TMEM114: variants seen among roughly 807,000 people sequenced by gnomAD.
The protein encoded by TMEM114 is claudin-26.
Under a neutral mutation model 6.2 loss-of-function variants are expected in TMEM114, and 6 were observed. The observed-to-expected ratio is 0.97, with a 90% CI of 0.53 to 1.91. The LOEUF (loss-of-function observed/expected upper bound fraction) is 1.91, where lower values mean the gene tolerates loss of function less well. Ranked by LOEUF, TMEM114 falls within the 40% of genes most tolerant of loss-of-function variation. The probability of loss-of-function intolerance (pLI) is 0.01; values close to 1 mark genes in which losing one functional copy is unlikely to be tolerated. For synonymous variants in TMEM114, 104 were observed against 73.0 expected (o/e 1.42, Z -2.16); for missense variants, 218 against 158.3 (o/e 1.38, Z -2.02).
At chr16:8,587,558 G>C (rs1902354828) in intron 2 of TMEM114, among the ~76,000 whole-genome samples, 1 of 152,242 alleles carries the variant, frequency 6.6e-6, no homozygotes, top group South Asian at 2.1e-4. Flanking sequence ...AACTTAGCAT[G>C]TTCCAAGAAC....
chr16:8,563,034 GAGTGAATGAGTAAATTGAGTGAATGAGTA>G (rs1357255485), intron 2 of TMEM114, among the ~76,000 whole-genome samples: 5 of 146,644 alleles, frequency 3.4e-5, no homozygotes, highest in South Asian at 2.2e-4. Context: ...GGGAATGAGT[GAGTGAATGAGTAAATTGAGTGAATGAGTA>G]AGTGAATGAG....
intron 2 of TMEM114, among the ~76,000 whole-genome samples, chr16:8,573,025 T>C (rs2141686286): frequency 6.6e-6 from 1 of 152,340 alleles, no homozygotes; most frequent in South Asian, 2.1e-4. Context: ...TACAAGAACA[T>C]ATTTGTCACC....
chr16:8,578,315 G>A (rs1281419607), intron 2 of TMEM114, among the ~76,000 whole-genome samples: 1 of 152,020 alleles, frequency 6.6e-6, no homozygotes, highest in Non-Finnish European at 1.5e-5. Flanking sequence ...ATGGTTCTAG[G>A]GGAGAATCCT....
intron 2 of TMEM114, among the ~76,000 whole-genome samples, chr16:8,586,369 A>T (rs1469812987): frequency 2.0e-5 from 3 of 152,000 alleles, no homozygotes; most frequent in African/African-American, 7.2e-5. Context: ...TCCACATCTC[A>T]TTTTGACGGA....
At chr16:8,547,301 G>C (rs78282476) in intron 2 of TMEM114, among the ~76,000 whole-genome samples, 11,611 of 152,174 alleles carry the variant, frequency 0.076, 542 homozygotes, top group Middle Eastern at 0.18. Flanking sequence ...AAGAACTCTA[G>C]ACCAGATTTT....
At position 8,578,842 on chromosome 16, in the gene TMEM114, G is replaced by A. The variant is rs142246084; in HGVS notation, c.302-6618C>T. On this transcript the variant is annotated intron_variant, in intron 2 of 3. Coordinates refer to ENST00000620492, the MANE Select transcript of TMEM114 (RefSeq NM_001146336.2). Reference sequence around the variant, plus strand: ...AAAAACACAAAAATTAGCTGGGCTTGGTGGCACAGGCCTCTAATCCCTGCT... The same window carrying A: ...AAAAACACAAAAATTAGCTGGGCTTAGTGGCACAGGCCTCTAATCCCTGCT... 4.5e-3 allele frequency among the ~76,000 whole-genome samples: 692 copies of A among 152,238 alleles called. 7 individuals carry two copies. Among genetic ancestry groups the A allele is most frequent in the African/African-American group, 0.016 (661 of 41,538 alleles).
At chr16:8,579,619 C>T (rs1473852947) in intron 2 of TMEM114, among the ~76,000 whole-genome samples, 2 of 152,152 alleles carry the variant, frequency 1.3e-5, no homozygotes, top group African/African-American at 4.8e-5. Flanking sequence ...ACCACATCAT[C>T]GCTCAAAAGC....
chr16:8,568,304 C>T (rs146107453), downstream of TMEM114, among the ~76,000 whole-genome samples: 155 of 152,240 alleles, frequency 1.0e-3, 1 homozygote, highest in African/African-American at 3.6e-3. Flanking sequence ...GTGTACTGGC[C>T]TTCCTTTGAG....
chr16:8,551,584 C>T (rs745484804), intron 2 of TMEM114, among the ~76,000 whole-genome samples: 14 of 152,292 alleles, frequency 9.2e-5, no homozygotes, highest in Non-Finnish European at 1.9e-4. Flanking sequence ...GACAACATTC[C>T]CAGTATCCTC....
intron 2 of TMEM114, among the ~76,000 whole-genome samples, chr16:8,548,932 C>T (rs928210990): frequency 1.3e-5 from 2 of 152,030 alleles, no homozygotes; most frequent in Non-Finnish European, 2.9e-5. Flanking sequence ...CCTGTAATCC[C>T]AGCACTTTGG....
downstream of TMEM114, among the ~76,000 whole-genome samples, chr16:8,534,585 G>A (rs1900302384): frequency 1.3e-5 from 2 of 152,172 alleles, no homozygotes; most frequent in African/African-American, 2.4e-5. Flanking sequence ...GTAATGGGGT[G>A]GTACATCAGA....
intron 2 of TMEM114, among the ~76,000 whole-genome samples, chr16:8,542,186 C>G (rs1171759080): frequency 6.6e-6 from 1 of 152,054 alleles, no homozygotes; most frequent in Non-Finnish European, 1.5e-5. Context: ...ACCAGGTACC[C>G]CTCTACTTCC....
chr16:8,547,893 C>T (rs1043575069), intron 2 of TMEM114, among the ~76,000 whole-genome samples: 1 of 152,088 alleles, frequency 6.6e-6, no homozygotes, highest in Non-Finnish European at 1.5e-5. Flanking sequence ...GCTTGGGAGG[C>T]CCATCATTCC....
chr16:8,552,762 T>TCTAACTCAG (rs1386918051), intron 2 of TMEM114, among the ~76,000 whole-genome samples: 1 of 150,964 alleles, frequency 6.6e-6, no homozygotes, highest in Non-Finnish European at 1.5e-5. Context: ...TCCTGAATTC[T>TCTAACTCAG]CTAACTCAGG....
intron 2 of TMEM114, among the ~76,000 whole-genome samples, chr16:8,561,034 C>T (rs1901182698): frequency 6.6e-6 from 1 of 152,196 alleles, no homozygotes; most frequent in African/African-American, 2.4e-5. Flanking sequence ...CATCAGGTTT[C>T]TTAAGACTTA....
the TMEM114 span, chr16:8,531,922 A>T: frequency 7.2e-5 from 11 of 152,156 alleles, no homozygotes; most frequent in Admixed American, 5.2e-4. Context: ...ATGAGATAGG[A>T]AACCTACCTC....
chr16:8,543,049 A>G (rs1323637429), intron 2 of TMEM114, among the ~76,000 whole-genome samples: 3 of 152,212 alleles, frequency 2.0e-5, no homozygotes, highest in Non-Finnish European at 4.4e-5. Context: ...AGACAAGAAT[A>G]CAGAACACAG....
chr16:8,535,912 G>A (rs527938338), downstream of TMEM114, among the ~76,000 whole-genome samples: 3 of 152,300 alleles, frequency 2.0e-5, no homozygotes, highest in South Asian at 6.2e-4. Context: ...TGGTCAAAAT[G>A]AAAGATAAAA....
At chr16:8,526,893 C>T in the TMEM114 span, among the ~76,000 whole-genome samples, 1 of 152,226 alleles carries the variant, frequency 6.6e-6, no homozygotes, top group Non-Finnish European at 1.5e-5. Context: ...GCTACCAACA[C>T]TTTAAACTTT....
Sources: allele counts gnomAD v4.1 joint callset (sites outside exome capture counted in the v4.1 genomes callset), GRCh38; gene constraint gnomAD v4.1.1; transcripts MANE v1.5; gene names NCBI Gene and HGNC (gene_info 2026-07-23, HGNC 2026-07-21).